DNAAF4: variants seen among roughly 807,000 people sequenced by gnomAD.
DNAAF4 encodes the protein dynein assembly factor 4, axonemal.
DNAAF4 carries 43 observed loss-of-function variants against 51.8 expected under a neutral mutation model. The observed-to-expected ratio is 0.83, with a 90% confidence interval of 0.65 to 1.07. DNAAF4 has a LOEUF of 1.07. Ranked by LOEUF, DNAAF4 falls within the 50% of genes least tolerant of loss-of-function variation. The pLI is 0.00. For synonymous variants in DNAAF4, 194 were observed against 165.6 expected (o/e 1.17, Z -1.32); for missense variants, 581 against 493.0 (o/e 1.18, Z -1.69).
At chr15:55,479,799 G>A (rs1023629653) in intron 4 of DNAAF4, among the ~76,000 whole-genome samples, 4 of 152,184 alleles carry the variant, frequency 2.6e-5, no homozygotes, top group Admixed American at 1.3e-4. Context: ...ACTGAGATAC[G>A]CCCTGGTCTC....
At chr15:55,463,170 T>TCACACACACACACA (rs754178816) in intron 5 of DNAAF4, among the ~76,000 whole-genome samples, 8 of 120,088 alleles carry the variant, frequency 6.7e-5, no homozygotes, top group East Asian at 4.1e-4. Context: ...TGAGACTCTG[T>TCACACACACACACA]CTCACACACA....
At chr15:55,426,756 A>G (rs973774600), downstream of DNAAF4, among the ~76,000 whole-genome samples, 1 of 152,210 alleles carries the variant, frequency 6.6e-6, no homozygotes, top group Non-Finnish European at 1.5e-5. Flanking sequence ...CTGATAAATC[A>G]TGAGAGAGAA....
downstream of DNAAF4, among the ~76,000 whole-genome samples, chr15:55,430,079 G>T (rs1402832346): frequency 6.6e-6 from 1 of 152,106 alleles, no homozygotes; most frequent in Admixed American, 6.6e-5. Flanking sequence ...TATGAAATAT[G>T]ATCAGTTTTC....
intron 5 of DNAAF4, among the ~76,000 whole-genome samples, chr15:55,459,461 A>C (rs2058063599): frequency 6.6e-6 from 1 of 152,210 alleles, no homozygotes; most frequent in Non-Finnish European, 1.5e-5. Flanking sequence ...AATAAGGTAC[A>C]GCAACAACTA....
intron 1 of DNAAF4, among the ~76,000 whole-genome samples, chr15:55,504,489 G>T (rs894920696): frequency 3.3e-5 from 5 of 152,156 alleles, no homozygotes; most frequent in African/African-American, 1.2e-4. Flanking sequence ...AAAGATCAAA[G>T]CTGGAGGCAT....
At chr15:55,444,983 C>T (rs1303242653) in intron 6 of DNAAF4, among the ~76,000 whole-genome samples, 2 of 148,400 alleles carry the variant, frequency 1.3e-5, no homozygotes, top group Admixed American at 6.7e-5. Context: ...ACAATCATGT[C>T]ATCTGCAAAC....
At chr15:55,433,980 A>ATCTAT (rs2057561735) in intron 8 of DNAAF4, among the ~76,000 whole-genome samples, 1 of 38,256 alleles carries the variant, frequency 2.6e-5, no homozygotes, top group African/African-American at 2.1e-4. Context: ...TTTATATATT[A>ATCTAT]TATATAATAT....
chr15:55,434,419 G>C (rs1048956510), intron 8 of DNAAF4, among the ~76,000 whole-genome samples: 1 of 151,970 alleles, frequency 6.6e-6, no homozygotes, highest in Admixed American at 6.6e-5. Context: ...CTTAAAACAA[G>C]TTATCTTGAC....
At chr15:55,485,963 C>G (rs1362240133) in intron 4 of DNAAF4, among the ~76,000 whole-genome samples, 5 of 143,564 alleles carry the variant, frequency 3.5e-5, no homozygotes, top group African/African-American at 2.6e-5. Context: ...CCACTGCACT[C>G]CAGCCTGGAC....
intron 5 of DNAAF4, 144 bp downstream of exon 5, chr15:55,466,786 T>G (rs2141506208): frequency 1.1e-6 from 1 of 917,288 alleles, no homozygotes; most frequent in East Asian, 3.0e-5. Context: ...GAAATGTCTT[T>G]ACTTTAGTCT....
chr15:55,507,250 AC>A (rs2058731931), intron 1 of DNAAF4, among the ~76,000 whole-genome samples: 1 of 152,198 alleles, frequency 6.6e-6, no homozygotes, highest in African/African-American at 2.4e-5. Flanking sequence ...CAATGTGGTT[AC>A]CTCCTGATAA....
chr15:55,488,169 A>G (rs1295481625), intron 4 of DNAAF4, among the ~76,000 whole-genome samples: 2 of 151,600 alleles, frequency 1.3e-5, no homozygotes, highest in South Asian at 2.1e-4. Flanking sequence ...CCCCAAAAAC[A>G]GAGAGTCTAA....
intron 6 of DNAAF4, among the ~76,000 whole-genome samples, chr15:55,449,618 T>G (rs1254364826): frequency 3.3e-5 from 5 of 149,954 alleles, no homozygotes; most frequent in Admixed American, 3.3e-4. Context: ...GAACTGAGAT[T>G]GTGCCCACTG....
intron 4 of DNAAF4, among the ~76,000 whole-genome samples, chr15:55,485,018 CA>C (rs1430249404): frequency 6.6e-6 from 1 of 152,124 alleles, no homozygotes; most frequent in Non-Finnish European, 1.5e-5. Context: ...TCCTTCAATC[CA>C]ATCAGTTGAC....
chr15:55,462,259 T>TCTCG (rs1308928706), intron 5 of DNAAF4, among the ~76,000 whole-genome samples: 1 of 150,974 alleles, frequency 6.6e-6, no homozygotes, highest in Non-Finnish European at 1.5e-5. Context: ...AGTGGTGAGA[T>TCTCG]CTCGGCTCAT....
At chr15:55,441,838 T>C (rs2057719750) in intron 6 of DNAAF4, among the ~76,000 whole-genome samples, 1 of 152,182 alleles carries the variant, frequency 6.6e-6, no homozygotes, top group African/African-American at 2.4e-5. Flanking sequence ...ATCTCTAGAA[T>C]CCCAGACAAC....
intron 6 of DNAAF4, among the ~76,000 whole-genome samples, chr15:55,443,699 C>T (rs1489231973): frequency 3.9e-4 from 58 of 147,480 alleles, no homozygotes; most frequent in South Asian, 8.7e-4. Context: ...CACATCCTCT[C>T]CAGCACCTGT....
intron 4 of DNAAF4, among the ~76,000 whole-genome samples, chr15:55,477,746 G>A (rs2058355563): frequency 6.6e-6 from 1 of 151,500 alleles, no homozygotes; most frequent in African/African-American, 2.4e-5. Flanking sequence ...ATCAGTTTAG[G>A]CTTTGACATG....
chr15:55,490,089 G>C (rs2058549968), intron 4 of DNAAF4, among the ~76,000 whole-genome samples: 1 of 152,012 alleles, frequency 6.6e-6, no homozygotes, highest in South Asian at 2.1e-4. Context: ...GGCCAGGCTG[G>C]TGTTGAACTA....
Sources: gnomAD v4.1 joint callset for allele counts (sites outside exome capture counted in the v4.1 genomes callset) on GRCh38, gnomAD v4.1.1 for gene constraint, MANE v1.5 for transcripts, NCBI Gene and HGNC (gene_info 2026-07-23, HGNC 2026-07-21) for gene names.